MAST2: variants seen among roughly 807,000 people sequenced by gnomAD.
MAST2 encodes microtubule-associated serine/threonine-protein kinase 2.
MAST2 carries 70 observed loss-of-function variants against 147.4 expected under a neutral mutation model. That is an observed-to-expected ratio of 0.47 (90% CI 0.39 to 0.58). The LOEUF is 0.58. MAST2 is among the 20% of genes least tolerant of loss of function. The pLI, the probability that MAST2 is intolerant of heterozygous loss-of-function variation, is 0.00. For missense variants in MAST2, 2,080 were observed against 2,302.3 expected, an observed-to-expected ratio of 0.90 and a Z score of 1.98; for synonymous variants, 869 against 896.8, an observed-to-expected ratio of 0.97 and a Z score of 0.55.
chr1:45,833,420 G>T (rs191627593), intron 3 of MAST2, among the ~76,000 whole-genome samples: 218 of 152,178 alleles, frequency 1.4e-3, no homozygotes, highest in Non-Finnish European at 2.2e-3. Context: ...ATTACATAGA[G>T]TGAAAATCTG....
At chr1:46,019,970 C>T (rs1428340795) in intron 11 of MAST2, among the ~76,000 whole-genome samples, 1 of 152,202 alleles carries the variant, frequency 6.6e-6, no homozygotes, top group Non-Finnish European at 1.5e-5. Flanking sequence ...TGAGAAGCGT[C>T]AGGAGCATAG....
At chr1:45,880,128 G>T (rs1469653181) in intron 3 of MAST2, among the ~76,000 whole-genome samples, 1 of 152,098 alleles carries the variant, frequency 6.6e-6, no homozygotes, top group Non-Finnish European at 1.5e-5. Context: ...TTACCCAAGA[G>T]AAGTGAAATA....
intron 4 of MAST2, among the ~76,000 whole-genome samples, chr1:45,955,323 A>T (rs1269692322): frequency 1.3e-5 from 2 of 152,196 alleles, no homozygotes; most frequent in Non-Finnish European, 2.9e-5. Context: ...GTATACTTTA[A>T]ATCATCTCTA....
At chr1:45,849,343 A>G (rs528750240) in intron 3 of MAST2, among the ~76,000 whole-genome samples, 4 of 152,186 alleles carry the variant, frequency 2.6e-5, no homozygotes, top group South Asian at 2.1e-4. Flanking sequence ...TACTATAGGG[A>G]TACAGTAACC....
intron 3 of MAST2, chr1:45,847,137 A>G (rs2147955338): frequency 2.0e-6 from 1 of 491,620 alleles, no homozygotes; most frequent in Non-Finnish European, 4.1e-6. Flanking sequence ...TCTCATTTTA[A>G]TATTTGGCAA....
At chr1:45,994,292 T>TTTTTTTTG (rs1644965459) in intron 5 of MAST2, among the ~76,000 whole-genome samples, 1 of 140,404 alleles carries the variant, frequency 7.1e-6, no homozygotes, top group Admixed American at 7.3e-5. Flanking sequence ...TTTTTTTTTT[T>TTTTTTTTG]TTTTTTTGAG....
At chr1:46,030,055 G>A (rs1316201304) in intron 20 of MAST2, 74 bp from the exon 21 acceptor site, 13 of 1,605,870 alleles carry the variant, frequency 8.1e-6, no homozygotes, top group Non-Finnish European at 9.4e-6. Context: ...TCAGGGCTCT[G>A]CTGAAATCTA....
intron 7 of MAST2, among the ~76,000 whole-genome samples, chr1:46,004,554 G>C (rs1267015185): frequency 1.3e-5 from 2 of 152,108 alleles, no homozygotes; most frequent in Non-Finnish European, 2.9e-5. Flanking sequence ...GTTAGCTATA[G>C]CTGGTAAGAA....
At chr1:45,807,302 G>A (rs1444902109) in intron 1 of MAST2, among the ~76,000 whole-genome samples, 2 of 152,048 alleles carry the variant, frequency 1.3e-5, no homozygotes, top group Non-Finnish European at 2.9e-5. Context: ...TTGAGGACAT[G>A]TCCTCTGTCC....
At chr1:46,008,233 G>T (rs1645568416) in intron 8 of MAST2, 63 bp from the exon 9 acceptor site, 1 of 1,162,876 alleles carries the variant, frequency 8.6e-7, no homozygotes, top group African/African-American at 1.5e-5. Context: ...TCTGGGGATG[G>T]CCATCTTTCT....
rs185042046 is a variant in MAST2 at position 45,993,406 on chromosome 1, G to A, written c.593-4318G>A. Among the ~76,000 whole-genome samples, 8 of 152,148 alleles carry A rather than the reference G, an allele frequency of 5.3e-5. No individual in the cohort carries two copies. In the East Asian group the frequency reaches 9.6e-4, roughly 18 times the overall value. ...TTTTAAAAATATTTTTGCTGAGGCC[G>A]GGAGCAGTGGCTTTTGCCTATAATC... On this transcript the variant is annotated intron_variant, in intron 5 of 28. Coordinates refer to ENST00000361297, the MANE Select transcript of MAST2 (RefSeq NM_015112.3).
chr1:45,900,398 C>A (rs1273865888), intron 4 of MAST2, among the ~76,000 whole-genome samples: 1 of 146,840 alleles, frequency 6.8e-6, no homozygotes, highest in African/African-American at 2.5e-5. Context: ...AAGATGGTAT[C>A]TTATTGTGGT....
chr1:46,033,558 A>C (rs1646770151), intron 26 of MAST2, among the ~76,000 whole-genome samples: 1 of 152,022 alleles, frequency 6.6e-6, no homozygotes. Context: ...AGCTGTGGGT[A>C]GGGCTGCAGA....
chr1:46,002,645 G>C (rs79420827), intron 6 of MAST2, among the ~76,000 whole-genome samples, 160 bp from the exon 7 acceptor site: 1,554 of 152,324 alleles, frequency 0.01, 18 homozygotes, highest in East Asian at 0.034. Context: ...GCCCTCTGTA[G>C]GGGAGAGATA....
At chr1:45,927,467 G>A (rs1000823132) in intron 4 of MAST2, among the ~76,000 whole-genome samples, 7 of 152,100 alleles carry the variant, frequency 4.6e-5, no homozygotes, top group African/African-American at 1.2e-4. Flanking sequence ...CTCCAGGCGC[G>A]TATTCTCTTT....
intron 5 of MAST2, among the ~76,000 whole-genome samples, chr1:45,963,395 G>A (rs550987123): frequency 8.5e-5 from 13 of 152,306 alleles, no homozygotes; most frequent in African/African-American, 2.9e-4. Context: ...CTATCCATGA[G>A]CATGGAATGT....
chr1:45,875,323 G>A (rs894621517), intron 3 of MAST2, among the ~76,000 whole-genome samples: 66 of 152,252 alleles, frequency 4.3e-4, no homozygotes, highest in African/African-American at 1.5e-3. Context: ...GCGCATGCCT[G>A]TAATCCCAGC....
At chr1:45,941,518 A>G (rs1238746119) in intron 4 of MAST2, among the ~76,000 whole-genome samples, 1 of 152,184 alleles carries the variant, frequency 6.6e-6, no homozygotes, top group Non-Finnish European at 1.5e-5. Flanking sequence ...TTGGCCTTCC[A>G]AAGTGCTGGA....
chr1:45,816,521 A>G (rs1456912839), intron 1 of MAST2, among the ~76,000 whole-genome samples: 1 of 152,212 alleles, frequency 6.6e-6, no homozygotes, highest in Admixed American at 6.5e-5. Flanking sequence ...GATAACACAG[A>G]TAAGGAAATC....
Sources: allele counts gnomAD v4.1 joint callset (sites outside exome capture counted in the v4.1 genomes callset), GRCh38; gene constraint gnomAD v4.1.1; transcripts MANE v1.5; gene names NCBI Gene and HGNC (gene_info 2026-07-23, HGNC 2026-07-21).